Variants in ANKRD24 observed in about 807,000 individuals in gnomAD.
ANKRD24 encodes the protein ankyrin repeat domain-containing protein 24.
A neutral mutation model predicts 127.8 loss-of-function variants in ANKRD24; 109 were observed. The ratio of observed to expected loss-of-function variants is 0.85; its 90% CI spans 0.73 to 1.00. ANKRD24 has a LOEUF of 1.00. ANKRD24 is among the 50% of genes least tolerant of loss of function. ANKRD24 has a pLI of 0.00. For missense variants in ANKRD24, 1,648 were observed against 1,570.2 expected (o/e 1.05, Z -0.84); for synonymous variants, 743 against 671.1 (o/e 1.11, Z -1.66).
At chr19:4,223,727 G>A (rs1025777816) in intron 20 of ANKRD24, among the ~76,000 whole-genome samples, 4 of 151,970 alleles carry the variant, frequency 2.6e-5, no homozygotes, top group African/African-American at 9.7e-5. Flanking sequence ...ACCACTCCCG[G>A]CTAATTTTTT....
At position 4,199,640 on chromosome 19, in the gene ANKRD24, ACTGT is replaced by A. The variant is rs533657806; in HGVS notation, c.37-39_37-36del. The A allele has an allele frequency of 1.4e-4, 217 of 1,499,428 alleles. 1 individual carries two copies. The highest frequency in any genetic ancestry group is 1.3e-3 in the South Asian group (99 of 78,456). 92.9% of individuals were successfully genotyped at this position (1,499,428 alleles called of 1,614,324 possible). On this transcript the variant is annotated intron_variant, in intron 2 of 21. Coordinates refer to ENST00000318934, the MANE Select transcript of ANKRD24 (RefSeq NM_001393985.1). The surrounding 1 kb of genome is among the most constrained non-coding windows in gnomAD (Gnocchi z 5.2). ...GCTGGGGGTCGCAGGCTTGGGGGAC[ACTGT>A]CTGAGGACCCCCTCGCCCAGGACCA...
At chr19:4,190,424 GA>G (rs540316686) in intron 2 of ANKRD24, among the ~76,000 whole-genome samples, 4,090 of 107,018 alleles carry the variant, frequency 0.038, 134 homozygotes, top group East Asian at 0.21. Flanking sequence ...ACTCCGTCTC[GA>G]AAAAAAAAAA....
intron 13 of ANKRD24, 150 bp downstream of exon 13, chr19:4,210,522 C>A: frequency 1.4e-6 from 1 of 717,914 alleles, no homozygotes; most frequent in Admixed American, 3.0e-5. Flanking sequence ...GCTGTTCCTC[C>A]AACTCGCCAG....
intron 11 of ANKRD24, among the ~76,000 whole-genome samples, chr19:4,209,747 G>A (rs1969600204): frequency 6.6e-6 from 1 of 152,128 alleles, no homozygotes; most frequent in Non-Finnish European, 1.5e-5. Flanking sequence ...CCACCGCGCT[G>A]GCCCCTCTCC....
rs138430875 is a variant in ANKRD24, at chr19:4,198,189, G to C, written c.37-1494G>C. Reference sequence around the variant, plus strand: ...GAGGGAGCCGGGCCCCCGGCGCCGCGTCCTCCTCATCCTCCAGGCGACAAG... The same window carrying C: ...GAGGGAGCCGGGCCCCCGGCGCCGCCTCCTCCTCATCCTCCAGGCGACAAG... On this transcript the variant is annotated intron_variant, in intron 2 of 21. Coordinates refer to ENST00000318934, the MANE Select transcript of ANKRD24 (RefSeq NM_001393985.1). This position sits in a 1 kb window ranked among gnomAD's most constrained non-coding sequence, Gnocchi z 6.1. The C allele has an allele frequency of 3.5e-6, 2 of 573,024 alleles. No individual in the cohort carries two copies. Among genetic ancestry groups the C allele is most frequent in the East Asian group, 6.8e-5 (2 of 29,294 alleles). The allele number at this position is 573,024 out of a possible 1,614,324, so 35.5% of individuals were successfully genotyped here.
intron 16 of ANKRD24, 57 bp downstream of exon 16, chr19:4,216,107 G>A: frequency 6.6e-7 from 1 of 1,521,994 alleles, no homozygotes. Context: ...GGCCCTGGAA[G>A]ACGGAGCCTC....
chr19:4,220,252 C>T (rs905975445), intron 19 of ANKRD24, among the ~76,000 whole-genome samples: 6 of 152,148 alleles, frequency 3.9e-5, no homozygotes, highest in Admixed American at 1.3e-4. Flanking sequence ...GGGTTACAGG[C>T]GTGAGCCACT....
At chr19:4,202,449 A>G (rs903396652) in intron 6 of ANKRD24, among the ~76,000 whole-genome samples, 2 of 152,046 alleles carry the variant, frequency 1.3e-5, no homozygotes, top group Non-Finnish European at 2.9e-5. Flanking sequence ...GTGTGCCTGT[A>G]ATCTCAGCTA....
At chr19:4,203,455 T>C (rs1442380250) in intron 7 of ANKRD24, among the ~76,000 whole-genome samples, 1 of 152,122 alleles carries the variant, frequency 6.6e-6, no homozygotes, top group Non-Finnish European at 1.5e-5. Flanking sequence ...CAAACGATCC[T>C]CCTGCCTCAG....
intron 1 of ANKRD24, 83 bp from the exon 2 acceptor site, chr19:4,186,307 C>A (rs2145207551): frequency 6.5e-7 from 1 of 1,527,464 alleles, no homozygotes; most frequent in Non-Finnish European, 8.8e-7. Flanking sequence ...GGAAGCGGTC[C>A]TTTTGAGGAG....
intron 2 of ANKRD24, among the ~76,000 whole-genome samples, chr19:4,194,742 C>G (rs1348565252): frequency 6.6e-6 from 1 of 152,146 alleles, no homozygotes; most frequent in Middle Eastern, 3.4e-3. Flanking sequence ...AAGATGCATC[C>G]CAGAGGCAGA....
intron 7 of ANKRD24, among the ~76,000 whole-genome samples, chr19:4,206,563 G>A (rs573900925): frequency 6.6e-6 from 1 of 152,256 alleles, no homozygotes; most frequent in African/African-American, 2.4e-5. Flanking sequence ...GGAGGCCGAG[G>A]CAGGAGGATC....
chr19:4,222,491 T>C (rs570412017), intron 19 of ANKRD24, among the ~76,000 whole-genome samples, 179 bp from the exon 20 acceptor site: 1 of 152,290 alleles, frequency 6.6e-6, no homozygotes, highest in South Asian at 2.1e-4. Flanking sequence ...AAAATATAAA[T>C]AAATACAATT....
intron 20 of ANKRD24, 68 bp from the exon 21 acceptor site, chr19:4,224,059 T>G: frequency 1.5e-6 from 2 of 1,362,050 alleles, no homozygotes; most frequent in Non-Finnish European, 2.0e-6. Context: ...AAAGGGTGCT[T>G]TTTGGTGTGT....
chr19:4,184,484 G>A (rs1163359617), intron 1 of ANKRD24, among the ~76,000 whole-genome samples: 1 of 152,184 alleles, frequency 6.6e-6, no homozygotes, highest in South Asian at 2.1e-4. Context: ...CCCACTTGCC[G>A]GCCTGTGCCC....
chr19:4,182,706 T>C lies in ANKRD24; in HGVS notation c.-71T>C. The C allele has an allele frequency of 2.8e-6, 4 of 1,410,854 alleles. 1 individual carries two copies. In the South Asian group the frequency reaches 4.7e-5, roughly 17 times the overall value. 87.4% of individuals were successfully genotyped at this position (1,410,854 alleles called of 1,614,324 possible). On this transcript the variant is annotated 5_prime_UTR_variant, in exon 1 of 22. Coordinates refer to ENST00000318934, the MANE Select transcript of ANKRD24 (RefSeq NM_001393985.1). ...CTGACGCCGCAGGCGACATGTTATC[T>C]GCTGTCAGAAGGAAGCCTGCCTCTT...
rs933188977 is a variant in ANKRD24 at position 4,195,174 on chromosome 19, G to A, written c.37-4509G>A. ...TGCAAGCTCCGCCTCCCGGGTGCAC[G>A]CCATTCTCCTGCCTCAGTCTCCCGA... On this transcript the variant is annotated intron_variant, in intron 2 of 21. Transcript: ENST00000318934. The surrounding 1 kb of genome is among the most constrained non-coding windows in gnomAD (Gnocchi z 4.2). Among the ~76,000 whole-genome samples, 25 of 151,560 alleles carry A rather than the reference G, an allele frequency of 1.6e-4. No homozygotes were observed. Among genetic ancestry groups the A allele is most frequent in the Admixed American group, 1.6e-3 (24 of 15,134 alleles).
At chr19:4,223,333 G>A (rs1424760662) in intron 20 of ANKRD24, among the ~76,000 whole-genome samples, 1 of 144,374 alleles carries the variant, frequency 6.9e-6, no homozygotes, top group Non-Finnish European at 1.5e-5. Context: ...CTGGCCTCAA[G>A]CAGTTCTCCA....
intron 13 of ANKRD24, among the ~76,000 whole-genome samples, chr19:4,210,609 C>A (rs939396876): frequency 9.2e-6 from 1 of 108,460 alleles, no homozygotes; most frequent in Non-Finnish European, 2.1e-5. Flanking sequence ...TGCCTCAGGG[C>A]CTTTGCACCA....
Sources: gnomAD v4.1 joint callset for allele counts (sites outside exome capture counted in the v4.1 genomes callset) on GRCh38, gnomAD v4.1.1 for gene constraint, Gnocchi (gnomAD v3.1) non-coding constraint, MANE v1.5 for transcripts, NCBI Gene and HGNC (gene_info 2026-07-23, HGNC 2026-07-21) for gene names.